The following DPP6 variants were observed in gnomAD, a reference collection of about 807,000 sequenced individuals.
The protein encoded by DPP6 is A-type potassium channel modulatory protein DPP6.
DPP6 carries 69 observed loss-of-function variants against 122.6 expected under a neutral mutation model. The observed-to-expected ratio is 0.56, with a 90% CI of 0.46 to 0.69. The LOEUF (loss-of-function observed/expected upper bound fraction) is 0.69. Among genes scored for constraint, DPP6 ranks in the 30% least tolerant of loss-of-function variants. DPP6 has a pLI of 0.00. For missense variants in DPP6, 928 were observed against 1,116.9 expected, an observed-to-expected ratio of 0.83 and a Z score of 2.41; for synonymous variants, 418 against 433.1, an observed-to-expected ratio of 0.97 and a Z score of 0.43.
intron 5 of DPP6, among the ~76,000 whole-genome samples, chr7:154,585,632 T>A (rs1165533380): frequency 6.6e-6 from 1 of 152,246 alleles, no homozygotes; most frequent in Non-Finnish European, 1.5e-5. Context: ...TCCTTCCGTG[T>A]ACTTGAAATC....
chr7:154,177,546 G>A lies in DPP6; in HGVS notation c.243+124483G>A, dbSNP rs59747914. On this transcript the variant is annotated intron_variant, in intron 1 of 25. Transcript: ENST00000377770. ...GCTGGCTATTTGCAGAAGGGCCTGA[G>A]GCCCTGACCTGAGACTTGTGCTCAA... Among the ~76,000 whole-genome samples, 841 of 152,340 alleles carry A rather than the reference G, an allele frequency of 5.5e-3. 9 individuals are homozygous for A. Among genetic ancestry groups the A allele is most frequent in the African/African-American group, 0.019 (776 of 41,568 alleles).
At chr7:154,756,359 C>T (rs1417299083) in intron 8 of DPP6, among the ~76,000 whole-genome samples, 4 of 152,250 alleles carry the variant, frequency 2.6e-5, no homozygotes, top group African/African-American at 9.6e-5. Context: ...TCCAGGCCCC[C>T]GAGGCTGGCA....
the DPP6 span, among the ~76,000 whole-genome samples, chr7:153,839,519 G>A: frequency 1.3e-5 from 2 of 152,248 alleles, no homozygotes; most frequent in Admixed American, 1.3e-4. Context: ...CTTCCAGGCT[G>A]ACTAGTCCAA....
intron 1 of DPP6, among the ~76,000 whole-genome samples, chr7:154,264,357 G>C (rs1803235232): frequency 6.6e-6 from 1 of 152,114 alleles, no homozygotes; most frequent in South Asian, 2.1e-4. Context: ...TTGTAGTAGA[G>C]TTATTTGGTG....
intron 1 of DPP6, among the ~76,000 whole-genome samples, chr7:154,193,886 A>T (rs1211500701): frequency 1.3e-5 from 2 of 152,002 alleles, no homozygotes; most frequent in Admixed American, 1.3e-4. Flanking sequence ...CTCACCACAG[A>T]GGGGTGTGCG....
chr7:154,086,214 C>T (rs1804406402), intron 1 of DPP6, among the ~76,000 whole-genome samples: 1 of 151,742 alleles, frequency 6.6e-6, no homozygotes, highest in Admixed American at 6.6e-5. Flanking sequence ...GGGCATAGCT[C>T]ATCAGAAATT....
chr7:154,857,119 T>A (rs370971059), intron 17 of DPP6, among the ~76,000 whole-genome samples: 1 of 152,218 alleles, frequency 6.6e-6, no homozygotes, highest in African/African-American at 2.4e-5. Flanking sequence ...CATTTCTGGC[T>A]GTCAATGTAG....
chr7:154,769,300 G>A, intron 8 of DPP6, 117 bp from the exon 9 acceptor site: 1 of 1,347,114 alleles, frequency 7.4e-7, no homozygotes, highest in Non-Finnish European at 1.0e-6. Context: ...GGTTGTAGCA[G>A]ATAAGGGGCT....
intron 18 of DPP6, among the ~76,000 whole-genome samples, chr7:154,871,892 G>T (rs1342195294): frequency 8.5e-5 from 13 of 152,204 alleles, no homozygotes; most frequent in Non-Finnish European, 1.6e-4. Flanking sequence ...TTGTTGGAAG[G>T]TAGGGGGCAC....
intron 1 of DPP6, among the ~76,000 whole-genome samples, chr7:153,930,045 T>C (rs1490086841): frequency 6.6e-6 from 1 of 152,184 alleles, no homozygotes; most frequent in Non-Finnish European, 1.5e-5. Context: ...GCTTCAATTT[T>C]CTGAAAAGTT....
chr7:154,730,019 C>T (rs1842260732), intron 8 of DPP6, among the ~76,000 whole-genome samples: 1 of 152,212 alleles, frequency 6.6e-6, no homozygotes, highest in Non-Finnish European at 1.5e-5. Context: ...AGGGGCTGCA[C>T]CTCTGCCTGG....
chr7:154,559,422 A>C (rs1830269771), intron 4 of DPP6, among the ~76,000 whole-genome samples: 1 of 152,116 alleles, frequency 6.6e-6, no homozygotes, highest in Admixed American at 6.5e-5. Flanking sequence ...CCTGTCATTA[A>C]AGTTCCAGAA....
At chr7:154,407,670 C>T (rs1048621863) in intron 1 of DPP6, among the ~76,000 whole-genome samples, 3 of 152,120 alleles carry the variant, frequency 2.0e-5, no homozygotes, top group African/African-American at 7.2e-5. Context: ...TTATGGCTTT[C>T]TTTAAAATAA....
At chr7:154,114,030 A>G (rs1270304209) in intron 1 of DPP6, among the ~76,000 whole-genome samples, 1 of 151,976 alleles carries the variant, frequency 6.6e-6, no homozygotes, top group Non-Finnish European at 1.5e-5. Context: ...AGATAAAATT[A>G]TTTCTATTTG....
chr7:154,648,761 T>C (rs1836669637), intron 6 of DPP6, among the ~76,000 whole-genome samples: 1 of 151,744 alleles, frequency 6.6e-6, no homozygotes, highest in Non-Finnish European at 1.5e-5. Context: ...CTACTAAAAA[T>C]ACAAAAATTA....
chr7:154,364,007 G>GACCAC (rs1189046077), intron 1 of DPP6, among the ~76,000 whole-genome samples: 6 of 152,206 alleles, frequency 3.9e-5, no homozygotes, highest in Non-Finnish European at 7.3e-5. Flanking sequence ...GGTGGGGAGT[G>GACCAC]TGTTGTCTGT....
At chr7:154,107,967 G>T (rs1006215006) in intron 1 of DPP6, among the ~76,000 whole-genome samples, 1 of 152,176 alleles carries the variant, frequency 6.6e-6, no homozygotes, top group Non-Finnish European at 1.5e-5. Flanking sequence ...TTCAATTTTC[G>T]TTGCTTTGAA....
intron 4 of DPP6, among the ~76,000 whole-genome samples, chr7:154,553,059 T>G (rs982039688): frequency 6.6e-6 from 1 of 152,174 alleles, no homozygotes; most frequent in Non-Finnish European, 1.5e-5. Flanking sequence ...GGTTAGAATT[T>G]AAAGCCACCG....
intron 1 of DPP6, among the ~76,000 whole-genome samples, chr7:154,436,267 A>G (rs949977202): frequency 2.0e-5 from 3 of 151,112 alleles, no homozygotes; most frequent in African/African-American, 7.3e-5. Context: ...ATGTAGCCAC[A>G]CATGCACCAG....
Sources: allele counts gnomAD v4.1 joint callset (sites outside exome capture counted in the v4.1 genomes callset), GRCh38; gene constraint gnomAD v4.1.1; transcripts MANE v1.5; gene names NCBI Gene and HGNC (gene_info 2026-07-23, HGNC 2026-07-21).